NALF1: variants seen among roughly 807,000 people sequenced by gnomAD.
NALF1 encodes the protein family with sequence similarity 155 member A.
In NALF1, 3 loss-of-function variants were observed where a neutral mutation model predicts 48.4. That is an observed-to-expected ratio of 0.06 (90% CI 0.03 to 0.16). The LOEUF is 0.16. Ranked by LOEUF, NALF1 falls within the 10% of genes least tolerant of loss-of-function variation. The pLI is 1.00. For missense variants in NALF1, 526 were observed against 571.5 expected (o/e 0.92, Z 0.81); for synonymous variants, 262 against 245.7 (o/e 1.07, Z -0.62).
At position 107,169,606 on chromosome 13, in the gene NALF1, G is replaced by T. The variant is rs1355160616; in HGVS notation, c.*891C>A. On this transcript the variant is annotated 3_prime_UTR_variant, in exon 3 of 3. Transcript: ENST00000375915. ...GAAAGGGCTGGGCCACTTGGGGATG[G>T]GAACTGGAGCAATACAGTTCATGAT... 3.3e-5 allele frequency: 5 copies of T among 152,176 alleles called. No individual in the cohort carries two copies. 9.4% of individuals were successfully genotyped at this position (152,176 alleles called of 1,614,324 possible). A position where few individuals can be genotyped will look rare whatever the true frequency, so the allele number is the denominator to read the frequency against.
intron 1 of NALF1, among the ~76,000 whole-genome samples, chr13:107,625,262 T>A (rs1279804120): frequency 6.6e-6 from 1 of 152,042 alleles, no homozygotes; most frequent in East Asian, 1.9e-4. Flanking sequence ...AACAATGAAA[T>A]GTGGTTCAAT....
chr13:107,403,580 A>G (rs1029445811), intron 1 of NALF1, among the ~76,000 whole-genome samples: 5 of 152,012 alleles, frequency 3.3e-5, no homozygotes, highest in Admixed American at 3.3e-4. Flanking sequence ...TTTACATGAT[A>G]TGTTCAATAT....
chr13:107,749,596 T>G (rs1443344396), intron 1 of NALF1, among the ~76,000 whole-genome samples: 1 of 151,844 alleles, frequency 6.6e-6, no homozygotes, highest in Non-Finnish European at 1.5e-5. Flanking sequence ...TACTATGTAG[T>G]ATATATAATA....
intron 1 of NALF1, among the ~76,000 whole-genome samples, chr13:107,823,044 G>A (rs942073711): frequency 2.0e-5 from 3 of 152,162 alleles, no homozygotes; most frequent in East Asian, 1.9e-4. Context: ...GCTTGGACAC[G>A]GCTGACCATG....
chr13:107,550,679 T>C (rs1877267676), intron 1 of NALF1, among the ~76,000 whole-genome samples: 1 of 152,130 alleles, frequency 6.6e-6, no homozygotes, highest in African/African-American at 2.4e-5. Flanking sequence ...ATTTTGTAAA[T>C]AAGTCATTAG....
intron 1 of NALF1, among the ~76,000 whole-genome samples, chr13:107,420,567 C>T (rs1364647137): frequency 2.0e-5 from 3 of 152,144 alleles, no homozygotes; most frequent in African/African-American, 7.2e-5. Context: ...GTGGTAGTCA[C>T]TTAGAACAGG....
intron 1 of NALF1, among the ~76,000 whole-genome samples, chr13:107,498,009 T>C (rs1875394597): frequency 6.6e-6 from 1 of 151,750 alleles, no homozygotes; most frequent in African/African-American, 2.4e-5. Context: ...GCCTTATAAG[T>C]TCTGGTTTTC....
chr13:107,741,491 A>G (rs1234183272), intron 1 of NALF1, among the ~76,000 whole-genome samples: 1 of 145,336 alleles, frequency 6.9e-6, no homozygotes, highest in Non-Finnish European at 1.5e-5. Flanking sequence ...TGTAGGAGCA[A>G]TCAGGTGAGA....
chr13:107,550,943 A>C (rs1336484936), intron 1 of NALF1, among the ~76,000 whole-genome samples: 1 of 150,528 alleles, frequency 6.6e-6, no homozygotes, highest in Non-Finnish European at 1.5e-5. Context: ...TTTCCCCTTT[A>C]GTCTCTCTTT....
intron 1 of NALF1, among the ~76,000 whole-genome samples, chr13:107,698,227 A>G (rs959719662): frequency 2.6e-5 from 4 of 152,160 alleles, no homozygotes; most frequent in African/African-American, 9.6e-5. Flanking sequence ...TAAAAGTAAT[A>G]TAGTCAATAT....
intron 1 of NALF1, among the ~76,000 whole-genome samples, chr13:107,366,323 C>T (rs1883151061): frequency 6.6e-6 from 1 of 152,186 alleles, no homozygotes; most frequent in Non-Finnish European, 1.5e-5. Context: ...TTTTAAATAT[C>T]TAACCTTGAA....
At chr13:107,528,091 A>G (rs1876502801) in intron 1 of NALF1, among the ~76,000 whole-genome samples, 1 of 152,192 alleles carries the variant, frequency 6.6e-6, no homozygotes, top group South Asian at 2.1e-4. Context: ...ATATATAAAC[A>G]TAAACATGCT....
intron 1 of NALF1, among the ~76,000 whole-genome samples, chr13:107,436,513 A>G (rs986174144): frequency 5.9e-5 from 9 of 152,226 alleles, no homozygotes; most frequent in African/African-American, 1.9e-4. Flanking sequence ...AAAGCATTTG[A>G]CAAAATTCAG....
intron 1 of NALF1, among the ~76,000 whole-genome samples, chr13:107,854,118 A>G (rs1046657351): frequency 3.3e-5 from 5 of 152,244 alleles, no homozygotes; most frequent in African/African-American, 1.2e-4. Flanking sequence ...TTGCAGGCAC[A>G]CTGAATAAAA....
intron 1 of NALF1, among the ~76,000 whole-genome samples, chr13:107,539,790 CTT>C (rs1156394818): frequency 6.6e-6 from 1 of 152,018 alleles, no homozygotes; most frequent in Non-Finnish European, 1.5e-5. Flanking sequence ...GTGGTTATGA[CTT>C]TGTGTCTAAA....
chr13:107,804,069 T>C (rs1878700930), intron 1 of NALF1, among the ~76,000 whole-genome samples: 1 of 152,190 alleles, frequency 6.6e-6, no homozygotes, highest in African/African-American at 2.4e-5. Flanking sequence ...TGTCCTCTTT[T>C]CTACTTTCCT....
At chr13:107,335,078 T>C (rs1882532069) in intron 1 of NALF1, among the ~76,000 whole-genome samples, 1 of 152,088 alleles carries the variant, frequency 6.6e-6, no homozygotes, top group African/African-American at 2.4e-5. Flanking sequence ...CAGGATGAAG[T>C]GCGGAGGATG....
At chr13:107,435,967 T>C (rs1387121573) in intron 1 of NALF1, among the ~76,000 whole-genome samples, 1 of 152,134 alleles carries the variant, frequency 6.6e-6, no homozygotes, top group African/African-American at 2.4e-5. Context: ...CCCAACACTG[T>C]TGAGAAACTG....
chr13:107,509,083 T>G (rs1267793952), intron 1 of NALF1, among the ~76,000 whole-genome samples: 4 of 152,162 alleles, frequency 2.6e-5, no homozygotes, highest in Non-Finnish European at 5.9e-5. Context: ...AAAAAATGAT[T>G]TTCTATTTCA....
Sources: gnomAD v4.1 joint callset for allele counts (sites outside exome capture counted in the v4.1 genomes callset) on GRCh38, gnomAD v4.1.1 for gene constraint, MANE v1.5 for transcripts, NCBI Gene and HGNC (gene_info 2026-07-23, HGNC 2026-07-21) for gene names.